RSPH1: variants seen among roughly 807,000 people sequenced by gnomAD.
RSPH1 encodes the protein radial spoke head component 1, also known as radial spoke head 1 homolog.
Under a neutral mutation model 44.2 loss-of-function variants are expected in RSPH1, and 32 were observed. That is an observed-to-expected ratio of 0.72 (90% CI 0.55 to 0.97). RSPH1 has a LOEUF of 0.97. Ranked by LOEUF, RSPH1 falls within the 50% of genes least tolerant of loss-of-function variation. RSPH1 has a pLI of 0.00. For missense variants in RSPH1, 391 were observed against 398.7 expected (o/e 0.98, Z 0.16); for synonymous variants, 134 against 147.3 (o/e 0.91, Z 0.65).
chr21:42,483,400 T>C (rs1452733784), intron 5 of RSPH1, among the ~76,000 whole-genome samples: 1 of 152,180 alleles, frequency 6.6e-6, no homozygotes, highest in Non-Finnish European at 1.5e-5. Context: ...ATAACTGCAC[T>C]TAAGAGTCCC....
intron 3 of RSPH1, among the ~76,000 whole-genome samples, chr21:42,491,067 A>G (rs2054231371): frequency 6.6e-6 from 1 of 152,178 alleles, no homozygotes; most frequent in South Asian, 2.1e-4. Context: ...CATATTCTTT[A>G]TAATATCCTT....
intron 1 of RSPH1, among the ~76,000 whole-genome samples, chr21:42,493,888 C>G (rs1377140224): frequency 7.2e-5 from 11 of 152,160 alleles, no homozygotes; most frequent in Admixed American, 7.2e-4. Flanking sequence ...GTAGCTGAGA[C>G]TATAGGCATG....
intron 1 of RSPH1, among the ~76,000 whole-genome samples, chr21:42,495,147 A>C (rs2054274996): frequency 6.6e-6 from 1 of 152,218 alleles, no homozygotes. Context: ...CATCAATCGC[A>C]CTGCAGACTT....
intron 3 of RSPH1, 101 bp downstream of exon 3, chr21:42,492,657 C>T (rs762756664): frequency 1.4e-6 from 1 of 703,948 alleles, no homozygotes; most frequent in Non-Finnish European, 2.5e-6. Flanking sequence ...AACTGGAGAA[C>T]TTTAAGCTTT....
In RSPH1 at chr21:42,485,423, G is replaced by A. The variant is rs372735518; in HGVS notation, c.501+246C>T. On this transcript the variant is annotated intron_variant, in intron 5 of 8. Coordinates refer to ENST00000291536, the MANE Select transcript of RSPH1 (RefSeq NM_080860.4). ...TTATATAACAATGCAACAGGTCCCC[G>A]CTGAAAGACAGTGGGAATTTGTACT... 7.1e-5 allele frequency: 38 copies of A among 534,628 alleles called. 5 individuals carry two copies. The highest frequency in any genetic ancestry group is 1.3e-4 in the East Asian group (4 of 31,012). The allele number at this position is 534,628 out of a possible 1,614,324, so 33.1% of individuals were successfully genotyped here.
chr21:42,479,038 T>G (rs956655605), intron 6 of RSPH1, among the ~76,000 whole-genome samples: 2 of 152,202 alleles, frequency 1.3e-5, no homozygotes, highest in African/African-American at 4.8e-5. Flanking sequence ...GCTCCAGAAA[T>G]GCATCATTCT....
intron 6 of RSPH1, among the ~76,000 whole-genome samples, chr21:42,479,887 G>A (rs974063286): frequency 5.3e-5 from 8 of 152,106 alleles, no homozygotes; most frequent in Non-Finnish European, 8.8e-5. Context: ...TGAAGAATTC[G>A]TGCTCAGAGG....
intron 3 of RSPH1, among the ~76,000 whole-genome samples, chr21:42,490,871 G>A (rs1429368987): frequency 6.6e-6 from 1 of 151,626 alleles, no homozygotes; most frequent in Non-Finnish European, 1.5e-5. Flanking sequence ...TTTTGGTAAA[G>A]AAGAAGGAAG....
At position 42,477,439 on chromosome 21, in the gene RSPH1, T is replaced by C. The variant is rs149478284; in HGVS notation, c.579A>G (p.Arg193=). 0.036 allele frequency: 58,449 copies of C among 1,613,592 alleles called. 1,251 individuals are homozygous for C. Among genetic ancestry groups the C allele is most frequent in the South Asian group, 0.041 (3,698 of 91,064 alleles). ...HGEYRLTDME[R]GEEEEEEELV... ...ATTCTTCCTCCTCTTCCTCTTCTCC[T>C]CTTTCCTATTTTAAGTGCAAAAATG... Residue 193 remains arginine, a synonymous_variant, in exon 7 of 9, where the codon AGA becomes AGG. Transcript: ENST00000291536.
chr21:42,486,544 G>A, intron 3 of RSPH1, 83 bp from the exon 4 acceptor site: 2 of 988,060 alleles, frequency 2.0e-6, no homozygotes, highest in East Asian at 2.4e-5. Context: ...GTTAACCATG[G>A]CAAAGGCAGA....
intron 8 of RSPH1, among the ~76,000 whole-genome samples, chr21:42,473,702 G>A (rs1332511780): frequency 6.6e-6 from 1 of 152,118 alleles, no homozygotes; most frequent in Admixed American, 6.5e-5. Flanking sequence ...TTTGATAAAT[G>A]TTCTGCCGAC....
chr21:42,477,530 T>C (rs2054081049), intron 6 of RSPH1, 86 bp from the exon 7 acceptor site: 13 of 1,436,334 alleles, frequency 9.1e-6, no homozygotes, highest in Admixed American at 3.5e-5. Flanking sequence ...AGGACAAGTT[T>C]TGAAAGACAG....
chr21:42,473,053 G>A (rs923063716), intron 8 of RSPH1, among the ~76,000 whole-genome samples, 183 bp from the exon 9 acceptor site: 5 of 152,006 alleles, frequency 3.3e-5, no homozygotes, highest in African/African-American at 4.8e-5. Flanking sequence ...TTTGGTACCC[G>A]ACATAAAATA....
At chr21:42,475,757 C>T (rs2054040401) in intron 8 of RSPH1, 141 bp downstream of exon 8, 10 of 705,342 alleles carry the variant, frequency 1.4e-5, no homozygotes, top group East Asian at 8.4e-5. Flanking sequence ...CTCCAGTGAG[C>T]GCTCACAGGG....
chr21:42,474,022 T>C lies in RSPH1; in HGVS notation c.878-1152A>G, dbSNP rs544353144. Among the ~76,000 whole-genome samples the C allele has an allele frequency of 3.3e-5, 5 of 152,156 alleles. No individual in the cohort carries two copies. The highest frequency in any genetic ancestry group is 1.2e-4 in the African/African-American group (5 of 41,422). On this transcript the variant is annotated intron_variant, in intron 8 of 8. Coordinates refer to ENST00000291536, the MANE Select transcript of RSPH1 (RefSeq NM_080860.4). This position sits in a 1 kb window ranked among gnomAD's most constrained non-coding sequence, Gnocchi z 5.2. Reference sequence around the variant, plus strand: ...GTCCACTCGGCCCCATCTCTCCCAGTCCGGTTTTCAGGATTCCTCCTGCTC... The same window carrying C: ...GTCCACTCGGCCCCATCTCTCCCAGCCCGGTTTTCAGGATTCCTCCTGCTC...
In RSPH1 at chr21:42,477,441, T is replaced by C; in HGVS notation, c.577A>G (p.Arg193Gly). The C allele has an allele frequency of 3.1e-6, 5 of 1,613,920 alleles. No individual in the cohort carries two copies. Among genetic ancestry groups the C allele is most frequent in the Middle Eastern group, 1.7e-4 (1 of 6,060 alleles). ...TCTTCCTCCTCTTCCTCTTCTCCTCTTTCCTATTTTAAGTGCAAAAATGTA... is the reference window on the plus strand; with the variant it reads ...TCTTCCTCCTCTTCCTCTTCTCCTCCTTCCTATTTTAAGTGCAAAAATGTA... ...HGEYRLTDME[R>G]GEEEEEEELV... Residue 193 changes from arginine to glycine, a missense_variant, in exon 7 of 9, where the codon AGA (arginine) becomes GGA (glycine). Arg to Gly is a moderately radical substitution (Grantham distance 125). Coordinates refer to ENST00000291536, the MANE Select transcript of RSPH1 (RefSeq NM_080860.4).
At chr21:42,480,627 C>T (rs546871747) in intron 6 of RSPH1, among the ~76,000 whole-genome samples, 4 of 101,714 alleles carry the variant, frequency 3.9e-5, no homozygotes, top group Admixed American at 1.7e-4. Flanking sequence ...GCAACAAGAG[C>T]GAAACTCCAT....
chr21:42,489,303 AAT>A (rs1409516479), intron 3 of RSPH1, among the ~76,000 whole-genome samples: 8 of 136,990 alleles, frequency 5.8e-5, no homozygotes, highest in Non-Finnish European at 1.1e-4. Flanking sequence ...CTGGTTGGCT[AAT>A]TGGTTGGTTG....
chr21:42,472,667 G>C lies in RSPH1; in HGVS notation c.*151C>G. ...CACCCAGGCTGGAGAGCAGTGGCGC[G>C]ATCTCCACTCACTGCAACTGCCACT... On this transcript the variant is annotated 3_prime_UTR_variant, in exon 9 of 9. Coordinates refer to ENST00000291536, the MANE Select transcript of RSPH1 (RefSeq NM_080860.4). The C allele has an allele frequency of 1.7e-6, 1 of 576,524 alleles. No individual in the cohort carries two copies. Among genetic ancestry groups the C allele is most frequent in the Non-Finnish European group, 3.1e-6 (1 of 323,710 alleles). The allele number at this position is 576,524 out of a possible 1,614,324, so 35.7% of individuals were successfully genotyped here. A position where few individuals can be genotyped will look rare whatever the true frequency, so the allele number is the denominator to read the frequency against.
Sources: gnomAD v4.1 joint callset for allele counts (sites outside exome capture counted in the v4.1 genomes callset) on GRCh38, gnomAD v4.1.1 for gene constraint, Gnocchi (gnomAD v3.1) non-coding constraint, MANE v1.5 for transcripts, NCBI Gene and HGNC (gene_info 2026-07-23, HGNC 2026-07-21) for gene names.